SCAPER: variants seen among roughly 807,000 people sequenced by gnomAD.
SCAPER encodes S phase cyclin A-associated protein in the endoplasmic reticulum.
In SCAPER, 98 loss-of-function variants were observed where a neutral mutation model predicts 182.2. The ratio of observed to expected loss-of-function variants is 0.54; its 90% CI spans 0.46 to 0.64. SCAPER has a LOEUF of 0.64. Ranked by LOEUF, SCAPER falls within the 30% of genes least tolerant of loss-of-function variation. The pLI is 0.00. For missense variants in SCAPER, 1,432 were observed against 1,690.0 expected (o/e 0.85, Z 2.68); for synonymous variants, 605 against 564.6 (o/e 1.07, Z -1.01).
At chr15:76,862,569 AG>A in intron 2 of SCAPER, 36 bp from the exon 3 acceptor site, 7 of 1,262,896 alleles carry the variant, frequency 5.5e-6, no homozygotes, top group Non-Finnish European at 6.8e-6. Context: ...TTAGATTATT[AG>A]ATAAGTCAAA....
chr15:76,738,043 T>C (rs1269523064), intron 15 of SCAPER, among the ~76,000 whole-genome samples: 1 of 152,246 alleles, frequency 6.6e-6, no homozygotes, highest in Non-Finnish European at 1.5e-5. Flanking sequence ...ATATGTTTAC[T>C]GAAGTAACAC....
At chr15:76,469,852 T>C (rs1477272804) in intron 25 of SCAPER, among the ~76,000 whole-genome samples, 1 of 152,168 alleles carries the variant, frequency 6.6e-6, no homozygotes, top group Admixed American at 6.6e-5. Flanking sequence ...ACAACAAATG[T>C]TATCTTTTCT....
In SCAPER at chr15:76,546,817, A is replaced by G. The variant is rs539480275; in HGVS notation, c.2838+27341T>C. 7.9e-5 allele frequency among the ~76,000 whole-genome samples: 12 copies of G among 152,290 alleles called. 2 individuals carry two copies. In the South Asian group the frequency reaches 1.4e-3, roughly 18 times the overall value. ...TCTTGTTTATCATCATATCCTCAGT[A>G]TCTAGAAAGGTATCTGGCATACAGT... On this transcript the variant is annotated intron_variant, in intron 23 of 31. Transcript: ENST00000563290.
intron 20 of SCAPER, among the ~76,000 whole-genome samples, chr15:76,673,952 T>TAC (rs71447120): frequency 0.095 from 13,834 of 146,246 alleles, 906 homozygotes; most frequent in African/African-American, 0.2. Context: ...AATTTATCTA[T>TAC]ACACACACAC....
intron 22 of SCAPER, among the ~76,000 whole-genome samples, chr15:76,578,004 A>G (rs1000928883): frequency 3.9e-5 from 6 of 152,118 alleles, no homozygotes; most frequent in Non-Finnish European, 5.9e-5. Flanking sequence ...GCCAGGCAGC[A>G]TACACCACAA....
intron 1 of SCAPER, among the ~76,000 whole-genome samples, chr15:76,897,930 T>C (rs993199590): frequency 1.3e-5 from 2 of 151,988 alleles, no homozygotes; most frequent in Non-Finnish European, 2.9e-5. Flanking sequence ...GGTACTACAA[T>C]GTAATAATAA....
intron 16 of SCAPER, among the ~76,000 whole-genome samples, chr15:76,730,730 TTAATA>T (rs2060875923): frequency 6.6e-6 from 1 of 152,164 alleles, no homozygotes; most frequent in African/African-American, 2.4e-5. Flanking sequence ...TCATATTTTA[TTAATA>T]TAAGACCAAA....
chr15:76,884,172 G>A (rs1303600133), intron 1 of SCAPER, among the ~76,000 whole-genome samples: 1 of 152,108 alleles, frequency 6.6e-6, no homozygotes, highest in Non-Finnish European at 1.5e-5. Flanking sequence ...ACACATACAT[G>A]TTTTATATCT....
intron 14 of SCAPER, among the ~76,000 whole-genome samples, chr15:76,762,707 G>C (rs2062865288): frequency 6.6e-6 from 1 of 152,118 alleles, no homozygotes. Flanking sequence ...GCAGTGCAAT[G>C]GTGCAATCCT....
rs201112799 is a variant in SCAPER, at chr15:76,381,168, C to T, written c.3705+210G>A. 1.4e-5 allele frequency: 4 copies of T among 283,150 alleles called. No homozygotes were observed. The East Asian group carries it at 2.7e-4, about 19-fold the overall frequency. The allele number at this position is 283,150 out of a possible 1,614,324, so 17.5% of individuals were successfully genotyped here. On this transcript the variant is annotated intron_variant, in intron 28 of 31. Transcript: ENST00000563290. ...GGTATAATAATACTTTGCATGGTAG[C>T]TATGAGAATAAATGAGAATGCTAGA...
chr15:76,404,441 C>G, intron 27 of SCAPER, 83 bp downstream of exon 27: 1 of 1,343,420 alleles, frequency 7.4e-7, no homozygotes, highest in Non-Finnish European at 1.0e-6. Flanking sequence ...CACTTGAATT[C>G]CTATGAAATG....
chr15:76,763,346 T>TG (rs943372701), intron 14 of SCAPER, among the ~76,000 whole-genome samples: 4 of 26,818 alleles, frequency 1.5e-4, no homozygotes, highest in East Asian at 1.0e-3. Context: ...ATTTCTGGGG[T>TG]GGGGGGTGGT....
At chr15:76,625,299 G>A (rs2052467882) in intron 21 of SCAPER, among the ~76,000 whole-genome samples, 1 of 152,192 alleles carries the variant, frequency 6.6e-6, no homozygotes, top group Admixed American at 6.5e-5. Context: ...TAGGGAGAAT[G>A]AGGTTGCTCT....
chr15:76,905,318 T>C lies in SCAPER; in HGVS notation c.-79A>G. On this transcript the variant is annotated 5_prime_UTR_variant, in exon 1 of 32. Coordinates refer to ENST00000563290, the MANE Select transcript of SCAPER (RefSeq NM_020843.4). ...ACTCACCCCCGACCGCCCTGCTTAG[T>C]TCGGGGCGGCTCAAAGCGTCCCGCC... 3.8e-6 allele frequency: 1 copy of C among 260,280 alleles called. No homozygotes were observed. The highest frequency in any genetic ancestry group is 8.0e-6 in the Non-Finnish European group (1 of 125,236). 16.1% of individuals were successfully genotyped at this position (260,280 alleles called of 1,614,324 possible).
chr15:76,844,508 T>C (rs1450835199), intron 4 of SCAPER, among the ~76,000 whole-genome samples: 1 of 151,912 alleles, frequency 6.6e-6, no homozygotes, highest in Non-Finnish European at 1.5e-5. Context: ...CCCAAATAAA[T>C]AAAATTAGAG....
At position 76,592,878 on chromosome 15, in the gene SCAPER, G is replaced by A. The variant is rs557460343; in HGVS notation, c.2712-18594C>T. ...ATGCCACCAGGGCCCTGGGTTTCAA[G>A]CACAAAACTGGGTGGACTTTTGGGC... On this transcript the variant is annotated intron_variant, in intron 22 of 31. Transcript: ENST00000563290. Among the ~76,000 whole-genome samples the A allele has an allele frequency of 1.7e-5, 2 of 120,658 alleles. 1 individual carries two copies. Among genetic ancestry groups the A allele is most frequent in the South Asian group, 5.2e-4 (2 of 3,858 alleles). The allele number at this position is 120,658 out of a possible 152,430, so 79.2% of individuals were successfully genotyped here. A position where few individuals can be genotyped will look rare whatever the true frequency, so the allele number is the denominator to read the frequency against.
intron 8 of SCAPER, 42 bp downstream of exon 8, chr15:76,795,238 C>A: frequency 6.3e-7 from 1 of 1,576,046 alleles, no homozygotes; most frequent in Non-Finnish European, 8.7e-7. Context: ...TCTATATATC[C>A]ACCTGTTTAC....
At chr15:76,819,068 T>A (rs2067309551) in intron 5 of SCAPER, among the ~76,000 whole-genome samples, 1 of 151,938 alleles carries the variant, frequency 6.6e-6, no homozygotes, top group African/African-American at 2.4e-5. Context: ...AAGACTTGAG[T>A]AGGTAAACAA....
In SCAPER at chr15:76,434,086, G is replaced by A. The variant is rs1157063946; in HGVS notation, c.3303C>T (p.Asp1101=). ...AACTCTAGCAATTTTACCTGATAAG[G>A]TCCTGAACTCGATTGTTAAAAGGAT... ...QGDPFNNRVQ[D]LISYVVNMGL... Residue 1101 remains aspartate (D), a synonymous_variant, in exon 26 of 32, where the codon GAC becomes GAT. Coordinates refer to ENST00000563290, the MANE Select transcript of SCAPER (RefSeq NM_020843.4). The A allele has an allele frequency of 3.1e-6, 5 of 1,612,912 alleles. No homozygotes were observed. In the Admixed American group the frequency reaches 6.7e-5, roughly 22 times the overall value.
Sources: gnomAD v4.1 joint callset for allele counts (sites outside exome capture counted in the v4.1 genomes callset) on GRCh38, gnomAD v4.1.1 for gene constraint, MANE v1.5 for transcripts, NCBI Gene and HGNC (gene_info 2026-07-23, HGNC 2026-07-21) for gene names.